DHRS7C: variants seen among roughly 807,000 people sequenced by gnomAD.
The protein encoded by DHRS7C is dehydrogenase/reductase 7C, also known as dehydrogenase/reductase SDR family member 7C.
Under a neutral mutation model 29.6 loss-of-function variants are expected in DHRS7C, and 28 were observed. The observed-to-expected ratio is 0.95, with a 90% CI of 0.70 to 1.30. The LOEUF is 1.30. Among genes scored for constraint, DHRS7C ranks in the 50% most tolerant of loss-of-function variants. DHRS7C has a pLI of 0.00. For synonymous variants in DHRS7C, 158 were observed against 160.2 expected, an observed-to-expected ratio of 0.99 and a Z score of 0.10; for missense variants, 403 against 393.3, an observed-to-expected ratio of 1.02 and a Z score of -0.21.
At chr17:9,772,076 A>C (rs1041261889) in intron 5 of DHRS7C, among the ~76,000 whole-genome samples, 2 of 152,048 alleles carry the variant, frequency 1.3e-5, no homozygotes, top group Non-Finnish European at 2.9e-5. Flanking sequence ...TCTGCCCCCC[A>C]TCTTGGATCA....
chr17:9,774,308 G>A lies in DHRS7C; in HGVS notation c.572-1386C>T, dbSNP rs1303548993. Among the ~76,000 whole-genome samples, 1 of 151,988 alleles carries A rather than the reference G, an allele frequency of 6.6e-6. No homozygotes were observed. The highest frequency in any genetic ancestry group is 1.5e-5 in the Non-Finnish European group (1 of 68,016). ...TTTTTGTTTTGTTTTGTTTTGAGAG[G>A]GAGTCTTGCTCTGTTGTCCGGGCTG... On this transcript the variant is annotated intron_variant, in intron 4 of 5. Coordinates refer to ENST00000571134, the MANE Select transcript of DHRS7C (RefSeq NM_001105571.3). The surrounding 1 kb of genome is among the most constrained non-coding windows in gnomAD (Gnocchi z 5.0).
intron 1 of DHRS7C, among the ~76,000 whole-genome samples, chr17:9,787,802 G>A (rs2066432507): frequency 6.6e-6 from 1 of 152,036 alleles, no homozygotes; most frequent in Non-Finnish European, 1.5e-5. Flanking sequence ...CCGCCTCCCG[G>A]GCTCAAACGA....
At chr17:9,782,546 G>GT (rs35627962) in intron 1 of DHRS7C, among the ~76,000 whole-genome samples, 20,083 of 152,204 alleles carry the variant, frequency 0.13, 1,573 homozygotes, top group Non-Finnish European at 0.19. Context: ...AGTCACTGAT[G>GT]GGGCTGCCCT....
chr17:9,774,210 T>G lies in DHRS7C; in HGVS notation c.572-1288A>C, dbSNP rs866969050. Among the ~76,000 whole-genome samples the G allele has an allele frequency of 2.0e-4, 30 of 152,284 alleles. No individual in the cohort carries two copies. Among genetic ancestry groups the G allele is most frequent in the African/African-American group, 6.5e-4 (27 of 41,564 alleles). ...CTGGGGACCCAGAGGTGAATAGAAG[T>G]AGCTCTGGCCTCATGGAGTCCTCAT... On this transcript the variant is annotated intron_variant, in intron 4 of 5. Transcript: ENST00000571134. This position sits in a 1 kb window ranked among gnomAD's most constrained non-coding sequence, Gnocchi z 5.0.
rs759768986 is a variant in DHRS7C, at chr17:9,777,179, T to C, written c.571+14A>G. ...TACAACAGAAGATATCATATTTTTATCTTAGCAACTTACAAGTCGTACGGA... is the reference window on the plus strand; with the variant it reads ...TACAACAGAAGATATCATATTTTTACCTTAGCAACTTACAAGTCGTACGGA... On this transcript the variant is annotated intron_variant, in intron 4 of 5. Coordinates refer to ENST00000571134, the MANE Select transcript of DHRS7C (RefSeq NM_001105571.3). 1.2e-5 allele frequency: 19 copies of C among 1,605,216 alleles called. No homozygotes were observed. In the African/African-American group the frequency reaches 2.1e-4, roughly 18 times the overall value.
At chr17:9,781,692 G>T in intron 1 of DHRS7C, 98 bp from the exon 2 acceptor site, 1 of 1,219,472 alleles carries the variant, frequency 8.2e-7, no homozygotes, top group South Asian at 1.3e-5. Context: ...AAAAAACTCA[G>T]AAGTCTTAGC....
At chr17:9,780,618 C>T (rs540355402) in intron 2 of DHRS7C, among the ~76,000 whole-genome samples, 1 of 152,226 alleles carries the variant, frequency 6.6e-6, no homozygotes, top group South Asian at 2.1e-4. Context: ...TTGTTGACAC[C>T]AAGGGGTAAA....
At chr17:9,777,108 C>G in intron 4 of DHRS7C, 85 bp downstream of exon 4, 1 of 1,140,772 alleles carries the variant, frequency 8.8e-7, no homozygotes, top group East Asian at 2.6e-5. Flanking sequence ...CTGTGACCAT[C>G]TGCCTAGTCT....
At chr17:9,791,052 C>T in intron 1 of DHRS7C, 79 bp downstream of exon 1, 1 of 1,507,426 alleles carries the variant, frequency 6.6e-7, no homozygotes, top group South Asian at 1.3e-5. Context: ...CCACACAGCG[C>T]CCTGCCGCCC....
chr17:9,791,089 T>A, intron 1 of DHRS7C, 42 bp downstream of exon 1: 2 of 1,576,648 alleles, frequency 1.3e-6, no homozygotes, highest in Non-Finnish European at 1.7e-6. Context: ...TGCCAGTCCC[T>A]GGGGGCAGAA....
chr17:9,781,867 A>G (rs999570971), intron 1 of DHRS7C, among the ~76,000 whole-genome samples: 1 of 152,126 alleles, frequency 6.6e-6, no homozygotes, highest in Non-Finnish European at 1.5e-5. Context: ...TCTTCCTTAC[A>G]CTGAACAGAA....
At chr17:9,780,464 A>G (rs1331954236) in intron 2 of DHRS7C, among the ~76,000 whole-genome samples, 2 of 152,212 alleles carry the variant, frequency 1.3e-5, no homozygotes, top group Non-Finnish European at 2.9e-5. Context: ...CTTAATAGCC[A>G]TATTTTAAAA....
chr17:9,775,327 T>C lies in DHRS7C; in HGVS notation c.571+1866A>G, dbSNP rs1334239663. 6.6e-6 allele frequency among the ~76,000 whole-genome samples: 1 copy of C among 152,234 alleles called. No homozygotes were observed. Among genetic ancestry groups the C allele is most frequent in the Non-Finnish European group, 1.5e-5 (1 of 68,038 alleles). On this transcript the variant is annotated intron_variant, in intron 4 of 5. Coordinates refer to ENST00000571134, the MANE Select transcript of DHRS7C (RefSeq NM_001105571.3). This position sits in a 1 kb window ranked among gnomAD's most constrained non-coding sequence, Gnocchi z 4.2. ...ATGTGGCCCATTCACTCTGCCCTTCTTCCTGGGCCCCCAGGTGGACTGCAC... is the reference window on the plus strand; with the variant it reads ...ATGTGGCCCATTCACTCTGCCCTTCCTCCTGGGCCCCCAGGTGGACTGCAC...
chr17:9,781,469 T>C lies in DHRS7C; in HGVS notation c.267+13A>G. On this transcript the variant is annotated intron_variant, in intron 2 of 5. Transcript: ENST00000571134. ...CCCAGGAGTTACCCACGCCTACTGC[T>C]AGAAGACCTTACCTTGCTGGGGTCA... The C allele has an allele frequency of 6.2e-7, 1 of 1,613,510 alleles. No homozygotes were observed. Among genetic ancestry groups the C allele is most frequent in the Non-Finnish European group, 8.5e-7 (1 of 1,179,520 alleles).
At chr17:9,783,143 G>A (rs2066402491) in intron 1 of DHRS7C, among the ~76,000 whole-genome samples, 4 of 152,132 alleles carry the variant, frequency 2.6e-5, no homozygotes, top group Admixed American at 2.6e-4. Context: ...GTCTCCATGA[G>A]GCCTTAAAAC....
chr17:9,781,421 A>G (rs778770004), intron 2 of DHRS7C, 61 bp downstream of exon 2: 146 of 1,519,536 alleles, frequency 9.6e-5, no homozygotes, highest in Non-Finnish European at 1.3e-4. Context: ...CTGGTCCTGA[A>G]CAATCAATGG....
chr17:9,781,518 T>C lies in DHRS7C; in HGVS notation c.231A>G (p.Leu77=), dbSNP rs749223262. 13 of 1,614,002 alleles carry C rather than the reference T, an allele frequency of 8.1e-6. No homozygotes were observed. The highest frequency in any genetic ancestry group is 1.1e-5 in the Non-Finnish European group (13 of 1,179,896). The change falls in exon 2 of 6, where the codon CTA becomes CTG. Residue 77 remains leucine (L), a synonymous_variant. Coordinates refer to ENST00000571134, the MANE Select transcript of DHRS7C (RefSeq NM_001105571.3). ...CGKNWERLEN[L]YDALISVADP... is the part of the protein sequence containing the mutation. ...CAGCCACGCTGATCAAGGCATCATA[T>C]AGGTTCTCTAGCCTCTCCCAGTTCT...
At chr17:9,778,284 C>T (rs1377746621) in intron 3 of DHRS7C, among the ~76,000 whole-genome samples, 7 of 151,590 alleles carry the variant, frequency 4.6e-5, no homozygotes, top group Non-Finnish European at 1.5e-5. Context: ...GTCCCAGCTA[C>T]TCAGGAGGCT....
intron 1 of DHRS7C, among the ~76,000 whole-genome samples, chr17:9,786,747 A>G (rs189890806): frequency 5.7e-4 from 87 of 152,298 alleles, no homozygotes; most frequent in Non-Finnish European, 1.1e-3. Flanking sequence ...AGTGAGGTTC[A>G]GTGGGTTGAA....
Sources: allele counts gnomAD v4.1 joint callset (sites outside exome capture counted in the v4.1 genomes callset), GRCh38; gene constraint gnomAD v4.1.1; non-coding constraint Gnocchi (gnomAD v3.1); transcripts MANE v1.5; gene names NCBI Gene and HGNC (gene_info 2026-07-23, HGNC 2026-07-21).